Variants in FTO observed in about 807,000 individuals in gnomAD.
FTO encodes alpha-ketoglutarate-dependent dioxygenase FTO.
In FTO, 47 loss-of-function variants were observed where a neutral mutation model predicts 63.9. The ratio of observed to expected loss-of-function variants is 0.74; its 90% confidence interval spans 0.58 to 0.94. The LOEUF is 0.94. Among genes scored for constraint, FTO ranks in the 40% least tolerant of loss-of-function variants. FTO has a pLI of 0.00. For synonymous variants in FTO, 207 were observed against 224.4 expected, an observed-to-expected ratio of 0.92 and a Z score of 0.69; for missense variants, 562 against 618.1, an observed-to-expected ratio of 0.91 and a Z score of 0.96.
chr16:53,761,935 G>C (rs532275591), intron 1 of FTO, among the ~76,000 whole-genome samples: 46 of 152,294 alleles, frequency 3.0e-4, no homozygotes, highest in Non-Finnish European at 5.3e-4. Context: ...TTCTCAGCCT[G>C]TTGCTCAGAG....
At chr16:53,817,380 G>A (rs1157596986) in intron 2 of FTO, among the ~76,000 whole-genome samples, 2 of 152,124 alleles carry the variant, frequency 1.3e-5, no homozygotes, top group Non-Finnish European at 2.9e-5. Context: ...GTCATCGGAT[G>A]GCTGCCAAGT....
At chr16:53,865,597 T>G (rs964970356) in intron 4 of FTO, among the ~76,000 whole-genome samples, 1 of 152,200 alleles carries the variant, frequency 6.6e-6, no homozygotes, top group African/African-American at 2.4e-5. Context: ...ATCCAGTTCA[T>G]TAGCATGTCC....
intron 7 of FTO, among the ~76,000 whole-genome samples, chr16:53,923,307 C>T (rs895854041): frequency 2.6e-5 from 4 of 152,214 alleles, no homozygotes; most frequent in East Asian, 1.9e-4. Context: ...AGCATAACTT[C>T]GACTAGGTGC....
chr16:54,099,358 C>T (rs1268254209), intron 8 of FTO, among the ~76,000 whole-genome samples: 3 of 152,174 alleles, frequency 2.0e-5, no homozygotes, highest in Admixed American at 6.5e-5. Flanking sequence ...GAAAGTTACT[C>T]TAGACTGCTT....
At chr16:53,729,210 C>CCATT (rs2076216620) in intron 1 of FTO, among the ~76,000 whole-genome samples, 1 of 152,040 alleles carries the variant, frequency 6.6e-6, no homozygotes, top group Non-Finnish European at 1.5e-5. Context: ...TTCCATTCCA[C>CCATT]CCACTTCTAC....
intron 1 of FTO, 94 bp downstream of exon 1, chr16:53,704,323 G>A (rs1971834997): frequency 4.0e-6 from 5 of 1,238,860 alleles, no homozygotes; most frequent in Middle Eastern, 1.8e-4. Context: ...GCGGATGCGC[G>A]GTGTTAAACT....
At chr16:53,839,780 TTTA>T (rs2079412622) in intron 3 of FTO, among the ~76,000 whole-genome samples, 4 of 40,768 alleles carry the variant, frequency 9.8e-5, no homozygotes, top group African/African-American at 4.4e-4. Flanking sequence ...TTTTTTTTTA[TTTA>T]TTTATTTATT....
intron 6 of FTO, among the ~76,000 whole-genome samples, chr16:53,882,563 C>T (rs866904009): frequency 1.3e-5 from 2 of 152,084 alleles, no homozygotes; most frequent in African/African-American, 2.4e-5. Context: ...GCCTGGAGTC[C>T]GTGGAACAGT....
intron 4 of FTO, among the ~76,000 whole-genome samples, chr16:53,866,964 ATCTT>A (rs1236482334): frequency 6.6e-6 from 1 of 151,928 alleles, no homozygotes; most frequent in African/African-American, 2.4e-5. Context: ...TTGATTTTAG[ATCTT>A]TCTTCTTCTA....
At chr16:53,746,397 A>G (rs1259227863) in intron 1 of FTO, among the ~76,000 whole-genome samples, 1 of 152,162 alleles carries the variant, frequency 6.6e-6, no homozygotes, top group Non-Finnish European at 1.5e-5. Flanking sequence ...TGAGCAAGAC[A>G]AAGACCTTTG....
At chr16:53,872,361 G>T (rs776627489) in intron 4 of FTO, among the ~76,000 whole-genome samples, 2 of 152,164 alleles carry the variant, frequency 1.3e-5, no homozygotes, top group African/African-American at 4.8e-5. Flanking sequence ...AGCTGTTTCT[G>T]TTCCAGCATT....
intron 8 of FTO, among the ~76,000 whole-genome samples, chr16:54,104,290 C>T (rs1488559909): frequency 6.6e-6 from 1 of 150,704 alleles, no homozygotes; most frequent in Non-Finnish European, 1.5e-5. Flanking sequence ...TGATGTAACA[C>T]CAATGTTTTC....
intron 1 of FTO, among the ~76,000 whole-genome samples, chr16:53,809,420 C>G (rs2078461678): frequency 6.6e-6 from 1 of 152,004 alleles, no homozygotes; most frequent in South Asian, 2.1e-4. Flanking sequence ...TTGGTATTTC[C>G]AGTGATAGTA....
chr16:53,746,372 A>AT (rs2076652015), intron 1 of FTO, among the ~76,000 whole-genome samples: 2 of 152,134 alleles, frequency 1.3e-5, no homozygotes, highest in African/African-American at 4.8e-5. Context: ...CCATCAACAT[A>AT]TTAGACAGGT....
chr16:54,117,439 C>A lies in FTO; in HGVS notation c.*5524C>A, dbSNP rs1361848773. ...ATAATGCCTAGCTCATTGGATTGTT[C>A]TGTCCCCTACGATCAGCCATGTTAA... On this transcript the variant is annotated 3_prime_UTR_variant, in exon 9 of 9. Transcript: ENST00000471389. 6.6e-6 allele frequency: 1 copy of A among 152,212 alleles called. No homozygotes were observed. Among genetic ancestry groups the A allele is most frequent in the Admixed American group, 6.5e-5 (1 of 15,286 alleles). The allele number at this position is 152,212 out of a possible 1,614,324, so 9.4% of individuals were successfully genotyped here. A position where few individuals can be genotyped will look rare whatever the true frequency, so the allele number is the denominator to read the frequency against.
At position 53,770,965 on chromosome 16, in the gene FTO, C is replaced by T. The variant is rs75263614; in HGVS notation, c.46-39175C>T. On this transcript the variant is annotated intron_variant, in intron 1 of 8. Coordinates refer to ENST00000471389, the MANE Select transcript of FTO (RefSeq NM_001080432.3). ...GATTTTTGTTCTTCTATTTTTTGCT[C>T]TCTTACACACTTTGCTGTTGTCCTG... Among the ~76,000 whole-genome samples the T allele has an allele frequency of 2.3e-3, 349 of 152,164 alleles. 2 individuals carry two copies. The highest frequency in any genetic ancestry group is 8.1e-3 in the African/African-American group (335 of 41,530).
At chr16:54,089,291 A>G (rs1215763301) in intron 8 of FTO, among the ~76,000 whole-genome samples, 2 of 152,262 alleles carry the variant, frequency 1.3e-5, no homozygotes, top group African/African-American at 4.8e-5. Flanking sequence ...AGTTTAGGGA[A>G]TAACTCAAAG....
intron 8 of FTO, among the ~76,000 whole-genome samples, chr16:54,027,533 T>C (rs986210674): frequency 6.6e-6 from 1 of 151,936 alleles, no homozygotes; most frequent in African/African-American, 2.4e-5. Flanking sequence ...TCTTCTACTT[T>C]CCCTCTTCCC....
chr16:54,091,177 G>A (rs753027213), intron 8 of FTO, among the ~76,000 whole-genome samples: 2 of 152,196 alleles, frequency 1.3e-5, no homozygotes, highest in Non-Finnish European at 2.9e-5. Flanking sequence ...ATGGACATAT[G>A]CATGGAACAA....
Sources: allele counts gnomAD v4.1 joint callset (sites outside exome capture counted in the v4.1 genomes callset), GRCh38; gene constraint gnomAD v4.1.1; transcripts MANE v1.5; gene names NCBI Gene and HGNC (gene_info 2026-07-23, HGNC 2026-07-21).